XKR7: variants seen among roughly 807,000 people sequenced by gnomAD.
XKR7 encodes the protein XK related 7.
Under a neutral mutation model 42.2 loss-of-function variants are expected in XKR7, and 11 were observed. The observed-to-expected ratio is 0.26, with a 90% confidence interval of 0.16 to 0.43. The LOEUF is 0.43. Among genes scored for constraint, XKR7 ranks in the 20% least tolerant of loss-of-function variants. The pLI is 1.00. For missense variants in XKR7, 710 were observed against 802.2 expected (o/e 0.89, Z 1.39); for synonymous variants, 346 against 366.4 (o/e 0.94, Z 0.64).
At chr20:31,984,057 T>C (rs1349717951) in intron 1 of XKR7, among the ~76,000 whole-genome samples, 2 of 151,382 alleles carry the variant, frequency 1.3e-5, no homozygotes, top group Non-Finnish European at 2.9e-5. Context: ...AGGTCAAGAG[T>C]TTGAGACCAG....
chr20:31,996,659 C>T lies in XKR7; in HGVS notation c.942C>T (p.Gly314=), dbSNP rs376876222. ...LWHLFSIAAR[G]LAFALFASVY... ...ACCTGTTCAGCATTGCCGCCCGCGGCCTGGCCTTCGCGCTCTTCGCCAGCG... is the reference window on the plus strand; with the variant it reads ...ACCTGTTCAGCATTGCCGCCCGCGGTCTGGCCTTCGCGCTCTTCGCCAGCG... Residue 314 remains glycine, a synonymous_variant, in exon 3 of 3, where the codon GGC becomes GGT. Transcript: ENST00000562532. 4.4e-6 allele frequency: 7 copies of T among 1,598,066 alleles called. No individual in the cohort carries two copies. Among genetic ancestry groups the T allele is most frequent in the South Asian group, 1.1e-5 (1 of 89,144 alleles).
At chr20:31,972,018 T>C (rs989169889) in intron 1 of XKR7, among the ~76,000 whole-genome samples, 8 of 152,216 alleles carry the variant, frequency 5.3e-5, no homozygotes, top group Admixed American at 5.2e-4. Flanking sequence ...AGGAAACATA[T>C]TTATTAGCCT....
intron 1 of XKR7, among the ~76,000 whole-genome samples, chr20:31,982,940 A>G (rs2064520323): frequency 6.6e-6 from 1 of 152,118 alleles, no homozygotes; most frequent in Non-Finnish European, 1.5e-5. Flanking sequence ...ACACATTACT[A>G]CTTTCTGATT....
At position 31,998,458 on chromosome 20, in the gene XKR7, C is replaced by T. The variant is rs376936793; in HGVS notation, c.*1001C>T. 1 of 152,194 alleles carries T rather than the reference C, an allele frequency of 6.6e-6. No individual in the cohort carries two copies. The highest frequency in any genetic ancestry group is 1.9e-4 in the East Asian group (1 of 5,198). The allele number at this position is 152,194 out of a possible 1,614,324, so 9.4% of individuals were successfully genotyped here. On this transcript the variant is annotated 3_prime_UTR_variant, in exon 3 of 3. Coordinates refer to ENST00000562532, the MANE Select transcript of XKR7 (RefSeq NM_001011718.2). ...GCTGATAAAATGTCCCAGGGAGCCA[C>T]TCTGATCTGTGTATTCTGTTGTGAG...
At chr20:31,979,469 T>C (rs1366983024) in intron 1 of XKR7, among the ~76,000 whole-genome samples, 2 of 152,338 alleles carry the variant, frequency 1.3e-5, no homozygotes, top group East Asian at 1.9e-4. Context: ...TTTGCATAAA[T>C]ATCCTAATAT....
rs189481605 is a variant in XKR7 at position 31,971,603 on chromosome 20, G to T, written c.584+2844G>T. Among the ~76,000 whole-genome samples the T allele has an allele frequency of 1.8e-3, 281 of 152,244 alleles. 1 individual carries two copies. Among genetic ancestry groups the T allele is most frequent in the African/African-American group, 6.4e-3 (265 of 41,532 alleles). On this transcript the variant is annotated intron_variant, in intron 1 of 2. Transcript: ENST00000562532. ...AGATGTTCTGAGTGGTGGGGCCTGGGGTAATGAAGAGGGAGATGTGTGATT... is the reference window on the plus strand; with the variant it reads ...AGATGTTCTGAGTGGTGGGGCCTGGTGTAATGAAGAGGGAGATGTGTGATT...
chr20:31,996,589 A>T lies in XKR7; in HGVS notation c.872A>T (p.Lys291Met), dbSNP rs1258448016. The change falls in exon 3 of 3, where the codon AAG (lysine) becomes ATG (methionine). Residue 291 changes from lysine to methionine, a missense_variant. Physicochemically the swap from Lys to Met is moderately conservative, Grantham distance 95. Around this residue, in one of 2 missense-constraint regions of XKR7, gnomAD observed 708 missense variants for 786.2 expected, o/e 0.90. Transcript: ENST00000562532. ...QKVLRDSRDD[K>M]RPLSYKGAVA... ...GTGCTGCGGGACTCGCGGGACGACA[A>T]GCGGCCGCTGTCCTACAAGGGCGCC... 5 of 1,546,420 alleles carry T rather than the reference A, an allele frequency of 3.2e-6. No homozygotes were observed. The South Asian group carries it at 6.2e-5, about 19-fold the overall frequency.
intron 1 of XKR7, among the ~76,000 whole-genome samples, chr20:31,978,850 A>G (rs1318890957): frequency 1.3e-5 from 2 of 152,144 alleles, no homozygotes; most frequent in Non-Finnish European, 2.9e-5. Context: ...AACATCGCTA[A>G]GTTGCTGGGC....
chr20:31,976,384 A>T (rs921190053), intron 1 of XKR7, among the ~76,000 whole-genome samples: 6 of 151,540 alleles, frequency 4.0e-5, no homozygotes, highest in African/African-American at 1.5e-4. Context: ...AAGTATTTTT[A>T]TTTTTTTTTA....
In XKR7 at chr20:31,995,404, C is replaced by G; in HGVS notation, c.787+134C>G. ...CTCACTCAGTCAGGGTTTAGGGAGG[C>G]CTGCCCCTTCTACCCTCACCACCCT... On this transcript the variant is annotated intron_variant, in intron 2 of 2. Transcript: ENST00000562532. The surrounding 1 kb of genome is among the most constrained non-coding windows in gnomAD (Gnocchi z 4.1). 7.0e-7 allele frequency: 1 copy of G among 1,424,308 alleles called. No individual in the cohort carries two copies. Among genetic ancestry groups the G allele is most frequent in the Non-Finnish European group, 9.3e-7 (1 of 1,072,234 alleles). The allele number at this position is 1,424,308 out of a possible 1,614,324, so 88.2% of individuals were successfully genotyped here.
chr20:31,984,991 A>T (rs2064530939), intron 1 of XKR7, among the ~76,000 whole-genome samples: 2 of 152,310 alleles, frequency 1.3e-5, no homozygotes, highest in Admixed American at 1.3e-4. Context: ...GTTAAGAGGG[A>T]TGGATACGTT....
chr20:31,975,650 T>A (rs981445016), intron 1 of XKR7, among the ~76,000 whole-genome samples: 2 of 151,746 alleles, frequency 1.3e-5, no homozygotes, highest in Admixed American at 1.3e-4. Flanking sequence ...TACATTCTTG[T>A]TGAAACCTCA....
chr20:31,995,410 C>G lies in XKR7; in HGVS notation c.787+140C>G. The stretch of plus-strand genomic sequence containing the variant: ...CAGTCAGGGTTTAGGGAGGCCTGCC[C>G]CTTCTACCCTCACCACCCTCCAGGC... On this transcript the variant is annotated intron_variant, in intron 2 of 2. Coordinates refer to ENST00000562532, the MANE Select transcript of XKR7 (RefSeq NM_001011718.2). This position sits in a 1 kb window ranked among gnomAD's most constrained non-coding sequence, Gnocchi z 4.1. 1 of 1,388,746 alleles carries G rather than the reference C, an allele frequency of 7.2e-7. No homozygotes were observed. The highest frequency in any genetic ancestry group is 9.6e-7 in the Non-Finnish European group (1 of 1,042,458). The allele number at this position is 1,388,746 out of a possible 1,614,324, so 86.0% of individuals were successfully genotyped here. A position where few individuals can be genotyped will look rare whatever the true frequency, so the allele number is the denominator to read the frequency against.
Position 31,971,952 on chromosome 20 carries a change from G to A in XKR7, c.584+3193G>A, listed in dbSNP as rs377003721. Among the ~76,000 whole-genome samples, 10 of 152,262 alleles carry A rather than the reference G, an allele frequency of 6.6e-5. No individual in the cohort carries two copies. The South Asian group carries it at 1.2e-3, about 19-fold the overall frequency. On this transcript the variant is annotated intron_variant, in intron 1 of 2. Transcript: ENST00000562532. ...AGAAATGGGAAATTGGGATTTTTCC[G>A]TGAACTCTCCAAAATTTAACTACTA...
chr20:31,974,986 GC>G (rs1404644844), intron 1 of XKR7, among the ~76,000 whole-genome samples: 19 of 152,140 alleles, frequency 1.2e-4, no homozygotes, highest in Admixed American at 3.9e-4. Flanking sequence ...AGACACAGCG[GC>G]GGCGGTTGGG....
Position 32,001,891 on chromosome 20 carries a change from TGC to T in XKR7, c.*4435_*4436del, listed in dbSNP as rs1230405411. 6.6e-6 allele frequency: 1 copy of T among 152,256 alleles called. No individual in the cohort carries two copies. Among genetic ancestry groups the T allele is most frequent in the Non-Finnish European group, 1.5e-5 (1 of 68,094 alleles). 9.4% of individuals were successfully genotyped at this position (152,256 alleles called of 1,614,324 possible). A position where few individuals can be genotyped will look rare whatever the true frequency, so the allele number is the denominator to read the frequency against. ...CTGTAGTTTCTATATTAAAGTGCTT[TGC>T]AGTGTCTCAATGGAAGGGAACAAGT... On this transcript the variant is annotated 3_prime_UTR_variant, in exon 3 of 3. Coordinates refer to ENST00000562532, the MANE Select transcript of XKR7 (RefSeq NM_001011718.2).
At position 32,003,173 on chromosome 20, in the gene XKR7, C is replaced by G. The variant is rs2064633309; in HGVS notation, c.*5716C>G. On this transcript the variant is annotated 3_prime_UTR_variant, in exon 3 of 3. Transcript: ENST00000562532. Reference sequence around the variant, plus strand: ...CCCTCACCCCTGTCCTCTTCTGTTTCCTTTTCCTGGTCCCACCTCCTGGTA... The same window carrying G: ...CCCTCACCCCTGTCCTCTTCTGTTTGCTTTTCCTGGTCCCACCTCCTGGTA... The G allele has an allele frequency of 6.6e-6, 1 of 152,394 alleles. No homozygotes were observed. Among genetic ancestry groups the G allele is most frequent in the African/African-American group, 2.4e-5 (1 of 41,464 alleles). The allele number at this position is 152,394 out of a possible 1,614,324, so 9.4% of individuals were successfully genotyped here. A position where few individuals can be genotyped will look rare whatever the true frequency, so the allele number is the denominator to read the frequency against.
chr20:31,981,521 G>A (rs911968241), intron 1 of XKR7, among the ~76,000 whole-genome samples: 5 of 151,988 alleles, frequency 3.3e-5, no homozygotes, highest in East Asian at 1.9e-4. Context: ...GCAAAACCCC[G>A]TCTCTACTAA....
In XKR7 at chr20:31,968,579, G is replaced by A. The variant is rs1343989533; in HGVS notation, c.404G>A (p.Gly135Asp). Reference sequence around the variant, plus strand: ...GTCAGCACCAAGGACAGCGTAGCCGGCGGAGCCGCCATCAGCACCAAGGAC... The same window carrying A: ...GTCAGCACCAAGGACAGCGTAGCCGACGGAGCCGCCATCAGCACCAAGGAC... Reference protein sequence around the residue: ...PAVSTKDSVAGGAAISTKDSA... With the variant: ...PAVSTKDSVADGAAISTKDSA... Residue 135 changes from glycine (G) to aspartate (D), a missense_variant, in exon 1 of 3, where the codon GGC becomes GAC. Gly to Asp is a moderately conservative substitution (Grantham distance 94). Transcript: ENST00000562532. The surrounding 1 kb of genome is among the most constrained non-coding windows in gnomAD (Gnocchi z 4.5). 7 of 1,609,492 alleles carry A rather than the reference G, an allele frequency of 4.3e-6. No homozygotes were observed. The South Asian group carries it at 4.4e-5, about 10-fold the overall frequency.
Sources: allele counts gnomAD v4.1 joint callset (sites outside exome capture counted in the v4.1 genomes callset), GRCh38; gene constraint gnomAD v4.1.1; regional missense constraint gnomAD v4.1.1; non-coding constraint Gnocchi (gnomAD v3.1); transcripts MANE v1.5; gene names NCBI Gene and HGNC (gene_info 2026-07-23, HGNC 2026-07-21).